ATG10: variants seen among roughly 807,000 people sequenced by gnomAD.
ATG10 encodes ubiquitin-like-conjugating enzyme ATG10.
A neutral mutation model predicts 32.1 loss-of-function variants in ATG10; 30 were observed. The observed-to-expected ratio is 0.94, with a 90% confidence interval of 0.70 to 1.27. ATG10 has a LOEUF of 1.27. ATG10 is among the 50% of genes most tolerant of loss of function. The pLI, the probability that ATG10 is intolerant of heterozygous loss-of-function variation, is 0.00. For synonymous variants in ATG10, 87 were observed against 91.5 expected, an observed-to-expected ratio of 0.95 and a Z score of 0.28; for missense variants, 233 against 262.3, an observed-to-expected ratio of 0.89 and a Z score of 0.77.
At chr5:82,032,286 C>T (rs907952033) in intron 2 of ATG10, among the ~76,000 whole-genome samples, 1 of 152,142 alleles carries the variant, frequency 6.6e-6, no homozygotes, top group Non-Finnish European at 1.5e-5. Flanking sequence ...CCCTTTCTTT[C>T]ATTTTATTCA....
At chr5:82,236,037 A>G (rs1746539111) in intron 5 of ATG10, among the ~76,000 whole-genome samples, 2 of 152,202 alleles carry the variant, frequency 1.3e-5, no homozygotes, top group South Asian at 2.1e-4. Context: ...GGTCTGAAAG[A>G]TGCTACTCTT....
At chr5:82,091,596 A>G (rs1323281546) in intron 3 of ATG10, among the ~76,000 whole-genome samples, 1 of 152,192 alleles carries the variant, frequency 6.6e-6, no homozygotes, top group East Asian at 1.9e-4. Flanking sequence ...TAATCTTACT[A>G]TTATAGTGAT....
intron 5 of ATG10, among the ~76,000 whole-genome samples, chr5:82,196,338 T>C (rs549370883): frequency 8.2e-4 from 125 of 152,320 alleles, no homozygotes; most frequent in African/African-American, 3.0e-3. Context: ...GGTTGTCTTT[T>C]CCCTCTCTTG....
chr5:82,122,396 A>G (rs925598087), intron 3 of ATG10, among the ~76,000 whole-genome samples: 3 of 152,154 alleles, frequency 2.0e-5, no homozygotes, highest in African/African-American at 7.2e-5. Flanking sequence ...GTGAAACCCA[A>G]AGCTATAAAA....
At chr5:82,055,557 A>G (rs1763564097) in intron 2 of ATG10, among the ~76,000 whole-genome samples, 1 of 152,168 alleles carries the variant, frequency 6.6e-6, no homozygotes, top group Non-Finnish European at 1.5e-5. Context: ...ACCAGGGCTC[A>G]GGTATTGAAA....
At chr5:81,973,746 A>C (rs1760794798) in intron 1 of ATG10, among the ~76,000 whole-genome samples, 1 of 152,226 alleles carries the variant, frequency 6.6e-6, no homozygotes, top group African/African-American at 2.4e-5. Context: ...AACAGTGACC[A>C]GAGGAAATGT....
intron 5 of ATG10, among the ~76,000 whole-genome samples, chr5:82,220,910 A>C (rs1745900306): frequency 6.6e-6 from 1 of 151,880 alleles, no homozygotes. Flanking sequence ...GGCACGTGCC[A>C]CCATGCCTGG....
chr5:82,170,193 T>C (rs1357167557), intron 4 of ATG10, among the ~76,000 whole-genome samples: 1 of 152,080 alleles, frequency 6.6e-6, no homozygotes. Context: ...CGACTGTATT[T>C]TAGCTTTCTT....
chr5:82,038,288 C>T (rs1384277564), intron 2 of ATG10, among the ~76,000 whole-genome samples: 2 of 152,168 alleles, frequency 1.3e-5, no homozygotes, highest in Non-Finnish European at 2.9e-5. Flanking sequence ...ATAAGGCAGT[C>T]CATTCATGAG....
chr5:82,042,580 A>G (rs979449919), intron 2 of ATG10, among the ~76,000 whole-genome samples: 2 of 152,222 alleles, frequency 1.3e-5, no homozygotes, highest in Non-Finnish European at 2.9e-5. Flanking sequence ...AGACAAGGTA[A>G]GTCCCTTCTG....
At chr5:82,137,938 C>A (rs887145207) in intron 3 of ATG10, among the ~76,000 whole-genome samples, 1 of 152,190 alleles carries the variant, frequency 6.6e-6, no homozygotes, top group African/African-American at 2.4e-5. Context: ...GAGGAGGAAT[C>A]CAGAGAGGTA....
intron 3 of ATG10, among the ~76,000 whole-genome samples, chr5:82,103,051 C>T (rs1298610598): frequency 1.3e-5 from 2 of 152,030 alleles, no homozygotes; most frequent in East Asian, 3.9e-4. Flanking sequence ...CTTTTTCCTT[C>T]CATCTTCCCA....
intron 5 of ATG10, among the ~76,000 whole-genome samples, chr5:82,227,455 A>G (rs1002761903): frequency 4.6e-5 from 7 of 151,970 alleles, no homozygotes; most frequent in African/African-American, 1.2e-4. Context: ...GCTTACTGCA[A>G]CCTCCACCTC....
chr5:82,071,840 G>A (rs1490838864), intron 3 of ATG10, among the ~76,000 whole-genome samples: 1 of 152,172 alleles, frequency 6.6e-6, no homozygotes, highest in African/African-American at 2.4e-5. Context: ...TTGCTTGTGT[G>A]CTGTTAGGTT....
chr5:82,127,248 A>AT (rs1044651386), intron 3 of ATG10, among the ~76,000 whole-genome samples: 63 of 151,926 alleles, frequency 4.1e-4, no homozygotes, highest in African/African-American at 1.3e-3. Flanking sequence ...GGATTCATTG[A>AT]TTTTTTTGAA....
At chr5:82,250,403 G>T (rs1404830933) in intron 5 of ATG10, among the ~76,000 whole-genome samples, 1 of 152,148 alleles carries the variant, frequency 6.6e-6, no homozygotes, top group Non-Finnish European at 1.5e-5. Context: ...AGTTCTGAAG[G>T]CTACAGGATC....
chr5:82,200,072 A>G (rs1342097803), intron 5 of ATG10, among the ~76,000 whole-genome samples: 1 of 152,124 alleles, frequency 6.6e-6, no homozygotes, highest in Admixed American at 6.5e-5. Flanking sequence ...GTTTTTGGTG[A>G]TTAAGAATAA....
intron 6 of ATG10, 73 bp from the exon 7 acceptor site, chr5:82,253,241 A>C: frequency 1.0e-6 from 1 of 988,652 alleles, no homozygotes; most frequent in Non-Finnish European, 1.6e-6. Context: ...TTGGTGACCA[A>C]CTGATGTTCT....
chr5:82,049,637 G>T (rs971099630), intron 2 of ATG10, among the ~76,000 whole-genome samples: 2 of 152,028 alleles, frequency 1.3e-5, no homozygotes, highest in African/African-American at 4.8e-5. Context: ...AAAATTGAAA[G>T]CCCTAAGTGA....
Sources: gnomAD v4.1 joint callset for allele counts (sites outside exome capture counted in the v4.1 genomes callset) on GRCh38, gnomAD v4.1.1 for gene constraint, MANE v1.5 for transcripts, NCBI Gene and HGNC (gene_info 2026-07-23, HGNC 2026-07-21) for gene names.